Variants in PTPRE observed in about 807,000 individuals in gnomAD.
PTPRE encodes the protein receptor-type tyrosine-protein phosphatase epsilon.
Under a neutral mutation model 102.0 loss-of-function variants are expected in PTPRE, and 51 were observed. The observed-to-expected ratio is 0.50, with a 90% CI of 0.40 to 0.63. The LOEUF is 0.63. PTPRE is among the 30% of genes least tolerant of loss of function. The probability of loss-of-function intolerance (pLI) is 0.00; values close to 1 mark genes in which losing one functional copy is unlikely to be tolerated. For synonymous variants in PTPRE, 345 were observed against 348.2 expected (o/e 0.99, Z 0.10); for missense variants, 752 against 915.1 (o/e 0.82, Z 2.30).
rs578086001 is a variant in PTPRE, at chr10:127,999,877, A to G, written c.-8+17581A>G. 1.8e-5 allele frequency: 18 copies of G among 985,384 alleles called. No homozygotes were observed. The African/African-American group carries it at 2.3e-4, about 12-fold the overall frequency. The allele number at this position is 985,384 out of a possible 1,614,324, so 61.0% of individuals were successfully genotyped here. A position where few individuals can be genotyped will look rare whatever the true frequency, so the allele number is the denominator to read the frequency against. On this transcript the variant is annotated intron_variant, in intron 2 of 20. Transcript: ENST00000254667. ...TCAGTAGCCTGCTTGGAAATGTTCA[A>G]ATTATCAGCCCAGGAGACTCCAGTG...
chr10:127,977,611 G>A (rs1489623869), intron 1 of PTPRE, among the ~76,000 whole-genome samples: 1 of 152,202 alleles, frequency 6.6e-6, no homozygotes, highest in Non-Finnish European at 1.5e-5. Flanking sequence ...TAATTTGAAT[G>A]TTTCCCTTAA....
chr10:127,944,208 C>A lies in PTPRE; in HGVS notation c.-31+36899C>A, dbSNP rs1257873156. On this transcript the variant is annotated intron_variant, in intron 1 of 20. Coordinates refer to ENST00000254667, the MANE Select transcript of PTPRE (RefSeq NM_006504.6). This position sits in a 1 kb window ranked among gnomAD's most constrained non-coding sequence, Gnocchi z 4.2. ...CCTGATAAGAATCCAGGGACCAGAA[C>A]TGGGGTATAAAGTAGGACTGAGAAT... 6.6e-6 allele frequency among the ~76,000 whole-genome samples: 1 copy of A among 152,152 alleles called. No individual in the cohort carries two copies. The highest frequency in any genetic ancestry group is 1.5e-5 in the Non-Finnish European group (1 of 68,034).
chr10:128,005,397 A>G (rs1029673282), intron 2 of PTPRE, among the ~76,000 whole-genome samples: 1 of 152,168 alleles, frequency 6.6e-6, no homozygotes, highest in Non-Finnish European at 1.5e-5. Context: ...TTGCTCATCT[A>G]CCTTTTTCAC....
At chr10:127,933,070 G>C (rs948609421) in intron 1 of PTPRE, among the ~76,000 whole-genome samples, 47 of 152,244 alleles carry the variant, frequency 3.1e-4, no homozygotes, top group African/African-American at 1.1e-3. Flanking sequence ...TGCCTTTAAG[G>C]GCTCATGTGG....
At chr10:128,067,137 A>G (rs1035575905) in intron 11 of PTPRE, among the ~76,000 whole-genome samples, 1 of 119,170 alleles carries the variant, frequency 8.4e-6, no homozygotes, top group Admixed American at 9.5e-5. Flanking sequence ...ACGTTCACAC[A>G]CACATGTGCA....
At chr10:127,939,089 A>G (rs1848037503) in intron 1 of PTPRE, among the ~76,000 whole-genome samples, 1 of 152,242 alleles carries the variant, frequency 6.6e-6, no homozygotes, top group South Asian at 2.1e-4. Flanking sequence ...CTGAACAAAG[A>G]ATATGAACTA....
At chr10:128,061,741 G>A (rs753822310) in intron 9 of PTPRE, 26 bp downstream of exon 9, 35 of 1,572,168 alleles carry the variant, frequency 2.2e-5, no homozygotes, top group African/African-American at 6.9e-5. Context: ...ATTTCTCAAC[G>A]TATTTTTGGT....
At chr10:128,071,115 G>T (rs906499988) in intron 15 of PTPRE, 2 of 562,752 alleles carry the variant, frequency 3.6e-6, no homozygotes, top group Admixed American at 3.3e-5. Flanking sequence ...GTCCTGCATG[G>T]GTCTCAGGCA....
At chr10:128,007,171 G>A (rs1237895906) in intron 2 of PTPRE, among the ~76,000 whole-genome samples, 2 of 152,092 alleles carry the variant, frequency 1.3e-5, no homozygotes, top group Admixed American at 1.3e-4. Context: ...GCTCTACATT[G>A]ATAAATATTT....
chr10:127,921,048 G>A (rs1412881265), intron 1 of PTPRE, among the ~76,000 whole-genome samples: 1 of 152,202 alleles, frequency 6.6e-6, no homozygotes, highest in Non-Finnish European at 1.5e-5. Flanking sequence ...TCCAGGCTTG[G>A]GCCCTCTGTC....
chr10:128,060,927 T>G lies in PTPRE; in HGVS notation c.512-12T>G. On this transcript the variant is annotated splice_polypyrimidine_tract_variant and intron_variant, in intron 7 of 20. Transcript: ENST00000254667. ...TCCTAATATCTTGGCTTTGTTTGGGTTTTTTTTCCAGATGACCATTCTAGG... is the reference window on the plus strand; with the variant it reads ...TCCTAATATCTTGGCTTTGTTTGGGGTTTTTTTCCAGATGACCATTCTAGG... The G allele has an allele frequency of 2.5e-6, 4 of 1,612,144 alleles. No homozygotes were observed. Among genetic ancestry groups the G allele is most frequent in the Non-Finnish European group, 3.4e-6 (4 of 1,178,596 alleles).
intron 2 of PTPRE, among the ~76,000 whole-genome samples, chr10:128,016,864 C>A (rs116871436): frequency 1.6e-3 from 239 of 152,350 alleles, no homozygotes; most frequent in Non-Finnish European, 2.6e-3. Flanking sequence ...CCGGGGAGAC[C>A]TGTGGCCGCT....
At chr10:127,913,454 C>G (rs1437998737) in intron 1 of PTPRE, among the ~76,000 whole-genome samples, 1 of 152,128 alleles carries the variant, frequency 6.6e-6, no homozygotes, top group Non-Finnish European at 1.5e-5. Flanking sequence ...TTTAAATGTC[C>G]TATCACATAG....
intron 2 of PTPRE, among the ~76,000 whole-genome samples, chr10:127,992,846 G>C (rs533652252): frequency 6.6e-6 from 1 of 152,204 alleles, no homozygotes; most frequent in African/African-American, 2.4e-5. Flanking sequence ...AGCCAGGTGC[G>C]TGCCCAGGCA....
chr10:128,063,503 G>A (rs1849796199), intron 10 of PTPRE, among the ~76,000 whole-genome samples: 1 of 152,198 alleles, frequency 6.6e-6, no homozygotes, highest in African/African-American at 2.4e-5. Context: ...TTAGGATGTT[G>A]AGCGTGTCAT....
At chr10:127,967,284 G>A (rs1333672375) in intron 1 of PTPRE, among the ~76,000 whole-genome samples, 1 of 152,150 alleles carries the variant, frequency 6.6e-6, no homozygotes, top group Non-Finnish European at 1.5e-5. Context: ...TTTGCAAATT[G>A]CTATGGTTTG....
intron 20 of PTPRE, among the ~76,000 whole-genome samples, chr10:128,082,482 T>C (rs1472720390): frequency 1.3e-5 from 2 of 151,968 alleles, no homozygotes; most frequent in African/African-American, 2.4e-5. Flanking sequence ...CTCAAAGTGC[T>C]CTTATTACAG....
intron 1 of PTPRE, among the ~76,000 whole-genome samples, chr10:127,951,456 A>G (rs1310744248): frequency 6.6e-6 from 1 of 152,218 alleles, no homozygotes; most frequent in Non-Finnish European, 1.5e-5. Flanking sequence ...ACTGACATTG[A>G]TTCCAGGAGA....
At chr10:128,014,711 T>A (rs562789248) in intron 2 of PTPRE, among the ~76,000 whole-genome samples, 1 of 152,104 alleles carries the variant, frequency 6.6e-6, no homozygotes, top group African/African-American at 2.4e-5. Flanking sequence ...CAATCCCCCA[T>A]CCCCCGTCTC....
Sources: allele counts gnomAD v4.1 joint callset (sites outside exome capture counted in the v4.1 genomes callset), GRCh38; gene constraint gnomAD v4.1.1; non-coding constraint Gnocchi (gnomAD v3.1); transcripts MANE v1.5; gene names NCBI Gene and HGNC (gene_info 2026-07-23, HGNC 2026-07-21).